Variants in GABBR2 observed in about 807,000 individuals in gnomAD.
GABBR2 encodes gamma-aminobutyric acid type B receptor subunit 2, also known as G-protein coupled receptor 51.
A neutral mutation model predicts 105.6 loss-of-function variants in GABBR2; 23 were observed. The ratio of observed to expected loss-of-function variants is 0.22; its 90% CI spans 0.16 to 0.31. The LOEUF (loss-of-function observed/expected upper bound fraction) is 0.31, where lower values mean the gene tolerates loss of function less well. Ranked by LOEUF, GABBR2 falls within the 10% of genes least tolerant of loss-of-function variation. The pLI, the probability that GABBR2 is intolerant of heterozygous loss-of-function variation, is 1.00. For synonymous variants in GABBR2, 478 were observed against 499.7 expected, an observed-to-expected ratio of 0.96 and a Z score of 0.58; for missense variants, 734 against 1,245.5, an observed-to-expected ratio of 0.59 and a Z score of 6.18.
At chr9:98,497,536 G>A (rs1588196021) in intron 3 of GABBR2, among the ~76,000 whole-genome samples, 5 of 152,316 alleles carry the variant, frequency 3.3e-5, no homozygotes, top group Admixed American at 6.5e-5. Context: ...TGGATTTTGG[G>A]TTTTAGTAGC....
At chr9:98,525,451 T>A (rs1174756615) in intron 3 of GABBR2, among the ~76,000 whole-genome samples, 1 of 152,202 alleles carries the variant, frequency 6.6e-6, no homozygotes, top group Non-Finnish European at 1.5e-5. Context: ...AAAACCACAA[T>A]GAGACACCAT....
intron 12 of GABBR2, among the ~76,000 whole-genome samples, chr9:98,371,237 G>A (rs970150435): frequency 2.0e-5 from 3 of 152,012 alleles, no homozygotes; most frequent in Non-Finnish European, 2.9e-5. Flanking sequence ...TGAGTGTTTC[G>A]TACCCCAGCA....
At chr9:98,402,474 T>C (rs888331795) in intron 8 of GABBR2, among the ~76,000 whole-genome samples, 5 of 152,164 alleles carry the variant, frequency 3.3e-5, no homozygotes, top group Admixed American at 6.5e-5. Context: ...AGGATGCTAA[T>C]ACCTGCCTTA....
intron 2 of GABBR2, among the ~76,000 whole-genome samples, chr9:98,546,638 ATCC>A (rs1056935273): frequency 6.6e-6 from 1 of 152,106 alleles, no homozygotes. Context: ...TCACTTTTTT[ATCC>A]TCCTTTTATT....
chr9:98,455,983 C>G lies in GABBR2; in HGVS notation c.1000-1766G>C, dbSNP rs145986436. On this transcript the variant is annotated intron_variant, in intron 6 of 18. Coordinates refer to ENST00000259455, the MANE Select transcript of GABBR2 (RefSeq NM_005458.8). ...TGCATCCTCTCTAGCTACCACCACT[C>G]TGCTCATCACTCAAGATACACAGTG... 2.7e-3 allele frequency among the ~76,000 whole-genome samples: 417 copies of G among 152,280 alleles called. 1 individual carries two copies. Among genetic ancestry groups the G allele is most frequent in the African/African-American group, 9.7e-3 (403 of 41,554 alleles).
intron 13 of GABBR2, among the ~76,000 whole-genome samples, chr9:98,354,516 T>G (rs1030837930): frequency 1.3e-5 from 2 of 152,272 alleles, no homozygotes; most frequent in African/African-American, 4.8e-5. Context: ...TAGCTATATC[T>G]TCTAGATAAC....
intron 13 of GABBR2, among the ~76,000 whole-genome samples, chr9:98,315,679 C>T (rs1830703562): frequency 6.6e-6 from 1 of 152,240 alleles, no homozygotes; most frequent in African/African-American, 2.4e-5. Context: ...CCAGTGCTTC[C>T]TTGTCATTGT....
intron 8 of GABBR2, among the ~76,000 whole-genome samples, chr9:98,396,611 G>T (rs1004073977): frequency 2.0e-5 from 3 of 152,228 alleles, no homozygotes; most frequent in Admixed American, 2.0e-4. Context: ...CTGCTGGGGG[G>T]CTCCAGCATC....
intron 14 of GABBR2, 46 bp downstream of exon 14, chr9:98,311,049 A>G (rs1186566972): frequency 2.8e-6 from 3 of 1,057,118 alleles, no homozygotes; most frequent in Non-Finnish European, 4.4e-6. Context: ...CAGAGGCCCA[A>G]CAAAGAAGTG....
intron 9 of GABBR2, among the ~76,000 whole-genome samples, chr9:98,390,251 G>A (rs1832155253): frequency 6.6e-6 from 1 of 151,842 alleles, no homozygotes; most frequent in African/African-American, 2.4e-5. Context: ...GTGCACACCT[G>A]TAGTCCCAGA....
chr9:98,556,613 G>A (rs1384839656), intron 2 of GABBR2, among the ~76,000 whole-genome samples: 2 of 152,140 alleles, frequency 1.3e-5, no homozygotes, highest in East Asian at 3.9e-4. Context: ...AGTGAGTGCC[G>A]CTGTGTGCCT....
intron 1 of GABBR2, among the ~76,000 whole-genome samples, chr9:98,675,272 A>G (rs1349474169): frequency 1.3e-5 from 2 of 152,164 alleles, no homozygotes; most frequent in African/African-American, 2.4e-5. Context: ...AGGAGCCACC[A>G]TGGATGGAAG....
rs771481675 is a variant in GABBR2, at chr9:98,311,064, C to T, written c.2004+31G>A. ...CAGAGGCCCAACAAAGAAGTGTCCCCCCTCAACACTGTCTCCTGCTCTGCA... is the reference window on the plus strand; with the variant it reads ...CAGAGGCCCAACAAAGAAGTGTCCCTCCTCAACACTGTCTCCTGCTCTGCA... On this transcript the variant is annotated intron_variant, in intron 14 of 18. Coordinates refer to ENST00000259455, the MANE Select transcript of GABBR2 (RefSeq NM_005458.8). 10 of 1,200,886 alleles carry T rather than the reference C, an allele frequency of 8.3e-6. No individual in the cohort carries two copies. The South Asian group carries it at 1.2e-4, about 15-fold the overall frequency. The allele number at this position is 1,200,886 out of a possible 1,614,324, so 74.4% of individuals were successfully genotyped here. A position where few individuals can be genotyped will look rare whatever the true frequency, so the allele number is the denominator to read the frequency against.
chr9:98,569,298 A>C (rs1828793547), intron 2 of GABBR2, among the ~76,000 whole-genome samples: 1 of 151,946 alleles, frequency 6.6e-6, no homozygotes, highest in East Asian at 1.9e-4. Flanking sequence ...GTGGGTTTTG[A>C]CTGTTGGGGG....
At chr9:98,551,318 G>A (rs761661260) in intron 2 of GABBR2, among the ~76,000 whole-genome samples, 5 of 152,132 alleles carry the variant, frequency 3.3e-5, no homozygotes, top group East Asian at 1.9e-4. Flanking sequence ...CAGAACAATC[G>A]CTTAAACCCA....
At chr9:98,691,475 C>T (rs937818531) in intron 1 of GABBR2, among the ~76,000 whole-genome samples, 7 of 152,198 alleles carry the variant, frequency 4.6e-5, no homozygotes, top group African/African-American at 1.7e-4. Context: ...CCCAGCTCTC[C>T]GTTGACTGGG....
At position 98,708,754 on chromosome 9, in the gene GABBR2, C is replaced by T; in HGVS notation, c.-17G>A. Reference sequence around the variant, plus strand: ...GGAAGCCATGCCGCGCCGCGGGCTGCGGGCGCCGGCTCACTCGGCCCGCAT... The same window carrying T: ...GGAAGCCATGCCGCGCCGCGGGCTGTGGGCGCCGGCTCACTCGGCCCGCAT... On this transcript the variant is annotated 5_prime_UTR_variant, in exon 1 of 19. Transcript: ENST00000259455. The T allele has an allele frequency of 1.0e-6, 1 of 979,282 alleles. No individual in the cohort carries two copies. Among genetic ancestry groups the T allele is most frequent in the Non-Finnish European group, 1.2e-6 (1 of 827,340 alleles). 60.7% of individuals were successfully genotyped at this position (979,282 alleles called of 1,614,324 possible).
At chr9:98,643,684 C>T (rs57503540) in intron 1 of GABBR2, among the ~76,000 whole-genome samples, 28,824 of 152,150 alleles carry the variant, frequency 0.19, 3,481 homozygotes, top group African/African-American at 0.35. Flanking sequence ...CACCCTTAAT[C>T]CATGTGAGCC....
intron 13 of GABBR2, among the ~76,000 whole-genome samples, chr9:98,357,554 T>G (rs940841066): frequency 6.6e-6 from 1 of 151,938 alleles, no homozygotes; most frequent in African/African-American, 2.4e-5. Flanking sequence ...GGGCTGAGGC[T>G]GGGGGATCAC....
Sources: gnomAD v4.1 joint callset for allele counts (sites outside exome capture counted in the v4.1 genomes callset) on GRCh38, gnomAD v4.1.1 for gene constraint, MANE v1.5 for transcripts, NCBI Gene and HGNC (gene_info 2026-07-23, HGNC 2026-07-21) for gene names.